Variants in TSPAN9 observed in about 807,000 individuals in gnomAD.
TSPAN9 encodes the protein tetraspanin 9.
Under a neutral mutation model 31.0 loss-of-function variants are expected in TSPAN9, and 16 were observed. The ratio of observed to expected loss-of-function variants is 0.52; its 90% CI spans 0.35 to 0.78. TSPAN9 has a LOEUF of 0.78. TSPAN9 is among the 30% of genes least tolerant of loss of function. TSPAN9 has a pLI of 0.01. For missense variants in TSPAN9, 272 were observed against 312.5 expected (o/e 0.87, Z 0.98); for synonymous variants, 145 against 121.6 (o/e 1.19, Z -1.27).
At chr12:3,281,850 C>G in intron 8 of TSPAN9, 33 bp downstream of exon 8, 4 of 1,606,718 alleles carry the variant, frequency 2.5e-6, no homozygotes, top group South Asian at 1.1e-5. Context: ...CCTCACCCAC[C>G]CTGCTGGCCT....
At chr12:3,256,673 C>T (rs1862353331) in intron 3 of TSPAN9, among the ~76,000 whole-genome samples, 1 of 152,152 alleles carries the variant, frequency 6.6e-6, no homozygotes, top group South Asian at 2.1e-4. Flanking sequence ...CAGCGGCGCC[C>T]CTGATCTTGA....
At chr12:3,236,224 C>T (rs1231932872) in intron 3 of TSPAN9, among the ~76,000 whole-genome samples, 3 of 152,222 alleles carry the variant, frequency 2.0e-5, no homozygotes, top group South Asian at 2.1e-4. Context: ...TGTCTCTGAG[C>T]GTCATCTTCC....
chr12:3,109,110 C>T (rs144660806), intron 2 of TSPAN9, among the ~76,000 whole-genome samples: 2,398 of 151,764 alleles, frequency 0.016, 50 homozygotes, highest in African/African-American at 0.043. Context: ...TAATTTTTTG[C>T]ATTTTTAGTA....
At chr12:3,270,972 A>T (rs1354593742) in intron 3 of TSPAN9, among the ~76,000 whole-genome samples, 1 of 152,230 alleles carries the variant, frequency 6.6e-6, no homozygotes, top group Non-Finnish European at 1.5e-5. Context: ...CCCAAACACG[A>T]TGCCCCTTAA....
chr12:3,231,623 A>G lies in TSPAN9; in HGVS notation c.63+30367A>G, dbSNP rs1208927988. Among the ~76,000 whole-genome samples, 19 of 152,318 alleles carry G rather than the reference A, an allele frequency of 1.2e-4. No individual in the cohort carries two copies. The East Asian group carries it at 2.7e-3, about 22-fold the overall frequency. ...GAGCCAGCAGGGGCGGGGTGGGTGG[A>G]AATTCACATGGAATTGGCCAGTCCC... On this transcript the variant is annotated intron_variant, in intron 3 of 8. Coordinates refer to ENST00000011898, the MANE Select transcript of TSPAN9 (RefSeq NM_006675.5).
Position 3,281,747 on chromosome 12 carries a change from A to C in TSPAN9, c.578A>C (p.Lys193Thr). Residue 193 changes from lysine to threonine, a missense_variant, in exon 8 of 9, where the codon AAG becomes ACG. Lys to Thr is a moderately conservative substitution (Grantham distance 78). Coordinates refer to ENST00000011898, the MANE Select transcript of TSPAN9 (RefSeq NM_006675.5). ...CTCGCTCCCCAGGGCTGCTATGAAA[A>C]GGTGAAGATGTGGTTCGATGACAAT... The part of the protein sequence containing the change: ...TPLWRTGCYE[K>T]VKMWFDDNKH... The C allele has an allele frequency of 1.2e-6, 2 of 1,612,812 alleles. No homozygotes were observed. The highest frequency in any genetic ancestry group is 1.7e-6 in the Non-Finnish European group (2 of 1,178,882).
chr12:3,144,632 C>T (rs2098336337), intron 2 of TSPAN9, among the ~76,000 whole-genome samples: 2 of 152,320 alleles, frequency 1.3e-5, no homozygotes, highest in East Asian at 1.9e-4. Context: ...GTTGAAGCCT[C>T]CCAGCTCGGG....
At position 3,179,488 on chromosome 12, in the gene TSPAN9, G is replaced by A. The variant is rs537119933; in HGVS notation, c.-17-21689G>A. On this transcript the variant is annotated intron_variant, in intron 2 of 8. Coordinates refer to ENST00000011898, the MANE Select transcript of TSPAN9 (RefSeq NM_006675.5). ...TTGGAGCCTTCAGATGCGTGAGGGCGTGATGTTTTCCTTCTGTTTTGGAGA... is the reference window on the plus strand; with the variant it reads ...TTGGAGCCTTCAGATGCGTGAGGGCATGATGTTTTCCTTCTGTTTTGGAGA... 5.9e-5 allele frequency among the ~76,000 whole-genome samples: 9 copies of A among 152,292 alleles called. No individual in the cohort carries two copies. The South Asian group carries it at 1.5e-3, about 25-fold the overall frequency.
At chr12:3,155,823 C>T (rs1289679046) in intron 2 of TSPAN9, among the ~76,000 whole-genome samples, 1 of 152,154 alleles carries the variant, frequency 6.6e-6, no homozygotes, top group African/African-American at 2.4e-5. Flanking sequence ...TGTAGGCACA[C>T]TGGAGGCGGA....
chr12:3,121,715 T>G (rs1027512497), intron 2 of TSPAN9, among the ~76,000 whole-genome samples: 1 of 152,048 alleles, frequency 6.6e-6, no homozygotes, highest in Non-Finnish European at 1.5e-5. Context: ...CTAGTTACAC[T>G]GAGCCTGTGC....
intron 2 of TSPAN9, among the ~76,000 whole-genome samples, chr12:3,155,566 C>G (rs1339500015): frequency 6.6e-6 from 1 of 151,630 alleles, no homozygotes. Flanking sequence ...GCCACTGTGG[C>G]CCTGATGACA....
chr12:3,142,323 C>T (rs779404555), intron 2 of TSPAN9, among the ~76,000 whole-genome samples: 1 of 152,184 alleles, frequency 6.6e-6, no homozygotes, highest in Admixed American at 6.5e-5. Context: ...TTTTCTCTGT[C>T]TGGGGACCCC....
chr12:3,151,902 G>A (rs2098339928), intron 2 of TSPAN9, among the ~76,000 whole-genome samples: 3 of 151,666 alleles, frequency 2.0e-5, no homozygotes, highest in South Asian at 2.1e-4. Context: ...CAGCCTGGGC[G>A]ACAGAGTGAG....
intron 3 of TSPAN9, among the ~76,000 whole-genome samples, chr12:3,251,388 G>A (rs536431063): frequency 1.3e-5 from 2 of 151,478 alleles, no homozygotes; most frequent in African/African-American, 2.5e-5. Flanking sequence ...TAGGGTTGGG[G>A]ACTCTGAGTG....
In TSPAN9 at chr12:3,077,980, C is replaced by A. The variant is rs1477795446; in HGVS notation, c.-85+527C>A. ...AAGTTGGAGATCTAGCCCATCTGTGCATTCAAGTTTGGGACTTCAAAAAAC... is the reference window on the plus strand; with the variant it reads ...AAGTTGGAGATCTAGCCCATCTGTGAATTCAAGTTTGGGACTTCAAAAAAC... On this transcript the variant is annotated intron_variant, in intron 1 of 8. Coordinates refer to ENST00000011898, the MANE Select transcript of TSPAN9 (RefSeq NM_006675.5). Among the ~76,000 whole-genome samples the A allele has an allele frequency of 3.3e-5, 5 of 152,308 alleles. No individual in the cohort carries two copies. The East Asian group carries it at 9.7e-4, about 29-fold the overall frequency.
intron 2 of TSPAN9, among the ~76,000 whole-genome samples, chr12:3,152,683 T>C (rs924417662): frequency 3.9e-5 from 6 of 152,008 alleles, no homozygotes; most frequent in African/African-American, 1.5e-4. Flanking sequence ...CCTCCCAGGT[T>C]CAAGCAATTC....
At chr12:3,251,598 T>C (rs1366172588) in intron 3 of TSPAN9, among the ~76,000 whole-genome samples, 1 of 152,248 alleles carries the variant, frequency 6.6e-6, no homozygotes, top group African/African-American at 2.4e-5. Context: ...ACCGTTCTGC[T>C]TCTGGTGAAT....
chr12:3,086,275 T>C (rs1368783236), intron 2 of TSPAN9, among the ~76,000 whole-genome samples: 1 of 151,836 alleles, frequency 6.6e-6, no homozygotes, highest in East Asian at 1.9e-4. Context: ...GCATCTGGAG[T>C]TGGGAGCACG....
At position 3,192,331 on chromosome 12, in the gene TSPAN9, G is replaced by A. The variant is rs149187207; in HGVS notation, c.-17-8846G>A. On this transcript the variant is annotated intron_variant, in intron 2 of 8. Coordinates refer to ENST00000011898, the MANE Select transcript of TSPAN9 (RefSeq NM_006675.5). This position sits in a 1 kb window ranked among gnomAD's most constrained non-coding sequence, Gnocchi z 4.6. ...GCTCTTGGTGAATGGGTGGGCGCAG[G>A]AGGGAATGGAAGGCTGCAGGGGCTG... 9.9e-4 allele frequency among the ~76,000 whole-genome samples: 151 copies of A among 152,306 alleles called. 1 individual carries two copies. Among genetic ancestry groups the A allele is most frequent in the African/African-American group, 3.4e-3 (142 of 41,578 alleles).
Sources: allele counts gnomAD v4.1 joint callset (sites outside exome capture counted in the v4.1 genomes callset), GRCh38; gene constraint gnomAD v4.1.1; non-coding constraint Gnocchi (gnomAD v3.1); transcripts MANE v1.5; gene names NCBI Gene and HGNC (gene_info 2026-07-23, HGNC 2026-07-21).